The following BAIAP2 variants were observed in gnomAD, a reference collection of about 807,000 sequenced individuals.
BAIAP2 encodes the protein BAR/IMD domain containing adaptor protein 2.
A neutral mutation model predicts 63.0 loss-of-function variants in BAIAP2; 18 were observed. That is an observed-to-expected ratio of 0.29 (90% CI 0.20 to 0.42). The LOEUF is 0.42. Among genes scored for constraint, BAIAP2 ranks in the 10% least tolerant of loss-of-function variants. The pLI is 1.00. For synonymous variants in BAIAP2, 386 were observed against 307.6 expected, an observed-to-expected ratio of 1.25 and a Z score of -2.67; for missense variants, 610 against 734.3, an observed-to-expected ratio of 0.83 and a Z score of 1.96.
chr17:81,106,114 G>A lies in BAIAP2; in HGVS notation c.1305G>A (p.Leu435=). Residue 435 remains leucine (L), a synonymous_variant, in exon 11 of 14, where the codon TTG becomes TTA. Transcript: ENST00000428708. ...TTCCCTTCTCCTACACCCGGGTCTT[G>A]GACAGCGATGGCAGTGACAGGCTGC... ...GWFPFSYTRV[L]DSDGSDRLHM... is the part of the protein sequence containing the mutation. 3 of 1,584,560 alleles carry A rather than the reference G, an allele frequency of 1.9e-6. No homozygotes were observed. Among genetic ancestry groups the A allele is most frequent in the South Asian group, 1.2e-5 (1 of 86,802 alleles).
rs1192971477 is a variant in BAIAP2, at chr17:81,103,646, T to A, written c.787T>A (p.Ser263Thr). 1 of 1,604,600 alleles carries A rather than the reference T, an allele frequency of 6.2e-7. No individual in the cohort carries two copies. The highest frequency in any genetic ancestry group is 1.7e-5 in the Admixed American group (1 of 59,726). Residue 263 changes from serine to threonine, a missense_variant, in exon 8 of 14, where the codon TCC becomes ACC. By Grantham distance (58) the Ser-to-Thr change is moderately conservative. Coordinates refer to ENST00000428708, the MANE Select transcript of BAIAP2 (RefSeq NM_001144888.2). Reference protein sequence around the residue: ...TLPSALSASKSNLVISDPIPG... With the variant: ...TLPSALSASKTNLVISDPIPG... ...CCCCAGCGCCCTGTCGGCCTCCAAG[T>A]CCAACCTGGTCATTTCCGACCCCAT...
intron 1 of BAIAP2, among the ~76,000 whole-genome samples, chr17:81,041,480 G>A (rs1278936271): frequency 1.3e-5 from 2 of 152,202 alleles, no homozygotes; most frequent in African/African-American, 2.4e-5. Flanking sequence ...TTTTGCTCTT[G>A]CTTAGAGTTT....
chr17:81,099,973 G>T lies in BAIAP2; in HGVS notation c.535G>T (p.Val179Leu), dbSNP rs372635764. The part of the protein sequence containing the change: ...SNKQGELENY[V>L]SDGYKTALTE... ...CAAGCAGGGCGAGCTGGAGAATTAC[G>T]TGTCCGACGGCTACAAGACCGCACT... The change falls in exon 7 of 14, where the codon GTG (valine) becomes TTG (leucine). Residue 179 changes from valine (V) to leucine (L), a missense_variant. Physicochemically the swap from Val to Leu is conservative, Grantham distance 32. Coordinates refer to ENST00000428708, the MANE Select transcript of BAIAP2 (RefSeq NM_001144888.2). The T allele has an allele frequency of 5.6e-6, 9 of 1,613,352 alleles. No homozygotes were observed. In the African/African-American group the frequency reaches 1.1e-4, roughly 19 times the overall value.
intron 10 of BAIAP2, 147 bp from the exon 11 acceptor site, chr17:81,105,931 G>T: frequency 3.0e-6 from 2 of 670,564 alleles, no homozygotes; most frequent in East Asian, 2.8e-5. Flanking sequence ...TGCGGTCTTT[G>T]TCTCCCTGGA....
rs115907617 is a variant in BAIAP2, at chr17:81,074,686, G to C, written c.218-10146G>C. ...CGTGCACGGATGCGTATGAGTGCCT[G>C]TGTGTGTGCATGCACGGATGCGTGT... On this transcript the variant is annotated intron_variant, in intron 3 of 13. Coordinates refer to ENST00000428708, the MANE Select transcript of BAIAP2 (RefSeq NM_001144888.2). Among the ~76,000 whole-genome samples, 2 of 151,220 alleles carry C rather than the reference G, an allele frequency of 1.3e-5. 1 individual carries two copies. The highest frequency in any genetic ancestry group is 4.2e-4 in the South Asian group (2 of 4,782).
intron 3 of BAIAP2, among the ~76,000 whole-genome samples, chr17:81,071,099 A>ATTT (rs56122709): frequency 0.16 from 24,070 of 149,084 alleles, 2,093 homozygotes; most frequent in East Asian, 0.33. Flanking sequence ...ACAGACATTG[A>ATTT]TTTTTTTTTT....
chr17:81,086,852 TC>T, intron 6 of BAIAP2: 1 of 418,588 alleles, frequency 2.4e-6, no homozygotes, highest in Non-Finnish European at 4.4e-6. Context: ...CTAAATGGAG[TC>T]CTCCCCTCTG....
intron 1 of BAIAP2, among the ~76,000 whole-genome samples, chr17:81,051,332 C>T (rs2048652169): frequency 6.6e-6 from 1 of 152,224 alleles, no homozygotes. Flanking sequence ...TACGCCAGGG[C>T]CCTTGGCTAA....
intron 1 of BAIAP2, among the ~76,000 whole-genome samples, chr17:81,052,679 C>G (rs1164836835): frequency 1.3e-5 from 2 of 152,136 alleles, no homozygotes; most frequent in African/African-American, 2.4e-5. Flanking sequence ...AATGCCCTTT[C>G]TATCTGTTCT....
At chr17:81,065,178 C>G (rs1382540526) in intron 3 of BAIAP2, among the ~76,000 whole-genome samples, 2 of 152,232 alleles carry the variant, frequency 1.3e-5, no homozygotes, top group African/African-American at 4.8e-5. Flanking sequence ...CCGGCTGGAT[C>G]TGAGTCCTGT....
chr17:81,036,835 C>G (rs1656473461), intron 1 of BAIAP2: 4 of 1,507,124 alleles, frequency 2.7e-6, no homozygotes, highest in African/African-American at 2.8e-5. Context: ...TAGTCATTAG[C>G]TCCATTACGA....
intron 13 of BAIAP2, among the ~76,000 whole-genome samples, chr17:81,113,915 G>A (rs966874954): frequency 1.3e-5 from 2 of 151,780 alleles, no homozygotes; most frequent in Admixed American, 1.3e-4. Flanking sequence ...ACTGCCCTCG[G>A]CTGTGGTCTG....
At chr17:81,064,754 G>T (rs2144598820) in intron 3 of BAIAP2, among the ~76,000 whole-genome samples, 1 of 152,342 alleles carries the variant, frequency 6.6e-6, no homozygotes, top group East Asian at 1.9e-4. Flanking sequence ...GCAGCCTCGG[G>T]CTTTGTGGCC....
chr17:81,055,711 G>A (rs894647403), intron 2 of BAIAP2, among the ~76,000 whole-genome samples: 2 of 151,900 alleles, frequency 1.3e-5, no homozygotes, highest in African/African-American at 2.4e-5. Flanking sequence ...GACCACAGGT[G>A]CCTGCCACCA....
chr17:81,061,415 G>A (rs140401055), intron 3 of BAIAP2, among the ~76,000 whole-genome samples: 5 of 152,270 alleles, frequency 3.3e-5, no homozygotes, highest in East Asian at 1.9e-4. Flanking sequence ...TCCGTCTCTC[G>A]AAGAGTCCTC....
At chr17:81,096,231 C>T (rs1452687070) in intron 6 of BAIAP2, among the ~76,000 whole-genome samples, 23 of 152,210 alleles carry the variant, frequency 1.5e-4, no homozygotes, top group Admixed American at 1.4e-3. Context: ...GTTGGATCTC[C>T]TGCTGAGTGC....
intron 2 of BAIAP2, 96 bp from the exon 3 acceptor site, chr17:81,057,785 G>T: frequency 1.3e-6 from 2 of 1,495,598 alleles, no homozygotes; most frequent in South Asian, 1.3e-5. Flanking sequence ...CAGGAGACAG[G>T]GTTGGGCCTG....
intron 6 of BAIAP2, 61 bp downstream of exon 6, chr17:81,086,641 G>GC (rs1474772957): frequency 1.0e-5 from 16 of 1,593,810 alleles, no homozygotes; most frequent in East Asian, 2.2e-5. Context: ...TCACCCCTCG[G>GC]CCCCCCTCGT....
At position 81,117,260 on chromosome 17, in the gene BAIAP2, A is replaced by T. The variant is rs1047617757; in HGVS notation, c.*1421A>T. 6.6e-5 allele frequency: 10 copies of T among 152,196 alleles called. No individual in the cohort carries two copies. The highest frequency in any genetic ancestry group is 9.7e-5 in the African/African-American group (4 of 41,444). The allele number at this position is 152,196 out of a possible 1,614,324, so 9.4% of individuals were successfully genotyped here. Reference sequence around the variant, plus strand: ...CACAGCCCCTCCTGTCCAGGACTTTATCATCGGCAGACCTCAGAAGACAAC... The same window carrying T: ...CACAGCCCCTCCTGTCCAGGACTTTTTCATCGGCAGACCTCAGAAGACAAC... On this transcript the variant is annotated 3_prime_UTR_variant, in exon 14 of 14. Coordinates refer to ENST00000428708, the MANE Select transcript of BAIAP2 (RefSeq NM_001144888.2).
Sources: allele counts gnomAD v4.1 joint callset (sites outside exome capture counted in the v4.1 genomes callset), GRCh38; gene constraint gnomAD v4.1.1; transcripts MANE v1.5; gene names NCBI Gene and HGNC (gene_info 2026-07-23, HGNC 2026-07-21).